COL11A1: variants seen among roughly 807,000 people sequenced by gnomAD.
COL11A1 encodes collagen type XI alpha 1 chain, also known as collagen alpha-1(XI) chain.
COL11A1 carries 74 observed loss-of-function variants against 265.2 expected under a neutral mutation model. The ratio of observed to expected loss-of-function variants is 0.28; its 90% CI spans 0.23 to 0.34. The LOEUF is 0.34. Among genes scored for constraint, COL11A1 ranks in the 10% least tolerant of loss-of-function variants. The pLI is 1.00. For synonymous variants in COL11A1, 816 were observed against 727.6 expected (o/e 1.12, Z -1.96); for missense variants, 2,165 against 2,263.6 (o/e 0.96, Z 0.88).
In COL11A1 at chr1:103,038,871, A is replaced by G. The variant is rs184617439; in HGVS notation, c.652-7627T>C. 2.0e-3 allele frequency among the ~76,000 whole-genome samples: 303 copies of G among 152,274 alleles called. 1 individual carries two copies. The highest frequency in any genetic ancestry group is 3.2e-3 in the Non-Finnish European group (219 of 68,024). On this transcript the variant is annotated intron_variant, in intron 4 of 66. Transcript: ENST00000370096. ...CAGTACATATATTAGTAAAAAATAT[A>G]TCTGTGAGATTTGGAAACTGACTGG...
intron 56 of COL11A1, 59 bp downstream of exon 56, chr1:102,898,607 A>T (rs993450790): frequency 1.7e-5 from 24 of 1,437,238 alleles, no homozygotes; most frequent in Non-Finnish European, 1.6e-5. Context: ...TTCATTCAAA[A>T]TTTTTTTAAA....
At chr1:102,983,620 G>A (rs1263326863) in intron 31 of COL11A1, among the ~76,000 whole-genome samples, 2 of 152,030 alleles carry the variant, frequency 1.3e-5, no homozygotes, top group East Asian at 3.9e-4. Flanking sequence ...ATGGCCCTAT[G>A]ACACCATGAT....
rs12133288 is a variant in COL11A1 at position 102,878,460 on chromosome 1, T to A, written c.5275-295A>T. Among the ~76,000 whole-genome samples the A allele has an allele frequency of 0.02, 1,631 of 81,224 alleles. 22 individuals are homozygous for A. The highest frequency in any genetic ancestry group is 0.036 in the Non-Finnish European group (1,312 of 36,308). The allele number at this position is 81,224 out of a possible 152,430, so 53.3% of individuals were successfully genotyped here. A position where few individuals can be genotyped will look rare whatever the true frequency, so the allele number is the denominator to read the frequency against. Reference sequence around the variant, plus strand: ...ATACAATTTAATATGAAAATTGATGTTGGTATTGAATCCTCATATATATAT... The same window carrying A: ...ATACAATTTAATATGAAAATTGATGATGGTATTGAATCCTCATATATATAT... On this transcript the variant is annotated intron_variant, in intron 66 of 66. Coordinates refer to ENST00000370096, the MANE Select transcript of COL11A1 (RefSeq NM_001854.4).
At chr1:103,049,354 T>C (rs959095169) in intron 4 of COL11A1, among the ~76,000 whole-genome samples, 1 of 152,214 alleles carries the variant, frequency 6.6e-6, no homozygotes, top group African/African-American at 2.4e-5. Flanking sequence ...CATTATGTAA[T>C]GGCCTTCTTT....
chr1:103,018,544 T>C (rs186739994), intron 10 of COL11A1, among the ~76,000 whole-genome samples: 1 of 152,290 alleles, frequency 6.6e-6, no homozygotes, highest in Non-Finnish European at 1.5e-5. Context: ...GGATGACTTT[T>C]CTTTACTTTC....
intron 35 of COL11A1, among the ~76,000 whole-genome samples, chr1:102,976,423 T>C (rs1294032895): frequency 2.0e-5 from 3 of 149,420 alleles, no homozygotes; most frequent in East Asian, 4.2e-4. Context: ...TTCAGCCTCC[T>C]GAGTAGCTGG....
At chr1:102,898,506 A>G (rs1228828025) in intron 56 of COL11A1, among the ~76,000 whole-genome samples, 160 bp downstream of exon 56, 4 of 152,126 alleles carry the variant, frequency 2.6e-5, no homozygotes, top group Admixed American at 2.0e-4. Context: ...ATACTTAAAT[A>G]TATGAAGAAT....
chr1:103,079,782 G>T (rs1418078794), intron 2 of COL11A1, among the ~76,000 whole-genome samples: 1 of 151,978 alleles, frequency 6.6e-6, no homozygotes, highest in Non-Finnish European at 1.5e-5. Context: ...CAAAACCATT[G>T]TGTATGTGCA....
At chr1:102,968,154 A>G (rs890995664) in intron 37 of COL11A1, among the ~76,000 whole-genome samples, 3 of 152,252 alleles carry the variant, frequency 2.0e-5, no homozygotes, top group African/African-American at 7.2e-5. Context: ...CAATATTGTC[A>G]TGTAATAAGA....
intron 18 of COL11A1, 125 bp from the exon 19 acceptor site, chr1:103,004,786 C>T (rs1295215898): frequency 1.2e-5 from 9 of 763,964 alleles, no homozygotes; most frequent in East Asian, 2.8e-5. Flanking sequence ...CTTTATTTAC[C>T]CTCCTCAAAA....
intron 1 of COL11A1, among the ~76,000 whole-genome samples, chr1:103,091,985 T>C (rs1673361584): frequency 6.6e-6 from 1 of 152,126 alleles, no homozygotes; most frequent in African/African-American, 2.4e-5. Flanking sequence ...AAATGTATTT[T>C]CTTACAATTC....
chr1:103,061,125 G>A (rs1197317911), intron 4 of COL11A1, among the ~76,000 whole-genome samples: 2 of 152,070 alleles, frequency 1.3e-5, no homozygotes, highest in Non-Finnish European at 2.9e-5. Context: ...TTCACACAGT[G>A]CAAACTTTGG....
chr1:103,046,822 A>G (rs1161303973), intron 4 of COL11A1, among the ~76,000 whole-genome samples: 1 of 151,416 alleles, frequency 6.6e-6, no homozygotes, highest in Non-Finnish European at 1.5e-5. Context: ...CTTTCTACAT[A>G]TGGCTAGCCA....
chr1:102,995,861 T>C lies in COL11A1; in HGVS notation c.2340+3A>G. The C allele has an allele frequency of 6.2e-7, 1 of 1,605,994 alleles. No individual in the cohort carries two copies. The highest frequency in any genetic ancestry group is 8.5e-7 in the Non-Finnish European group (1 of 1,174,444). ...TAATACCATCTAAACAATTAAATTT[T>C]ACCTTTTCACCTTTAGATCCCTTGA... On this transcript the variant is annotated splice_donor_region_variant and intron_variant, in intron 28 of 66. Transcript: ENST00000370096.
intron 46 of COL11A1, among the ~76,000 whole-genome samples, chr1:102,933,068 G>A (rs368469654): frequency 2.1e-5 from 3 of 145,964 alleles, no homozygotes; most frequent in South Asian, 2.3e-4. Flanking sequence ...TAATTTGATC[G>A]TCTGAAGCCT....
intron 26 of COL11A1, among the ~76,000 whole-genome samples, chr1:102,996,410 A>G (rs1473696501): frequency 6.6e-6 from 1 of 151,950 alleles, no homozygotes; most frequent in Non-Finnish European, 1.5e-5. Flanking sequence ...TTGAAAAACT[A>G]ACAAGATTGA....
intron 41 of COL11A1, among the ~76,000 whole-genome samples, chr1:102,951,632 C>T (rs544899625): frequency 5.9e-5 from 9 of 152,030 alleles, no homozygotes; most frequent in African/African-American, 1.9e-4. Context: ...CCCAGCTACT[C>T]GGGAGGCTGA....
intron 46 of COL11A1, among the ~76,000 whole-genome samples, chr1:102,925,572 C>T (rs1462069353): frequency 5.9e-5 from 9 of 151,998 alleles, no homozygotes; most frequent in Admixed American, 5.9e-4. Context: ...ACTTCCCAAA[C>T]TGTTACCATC....
At chr1:103,007,866 C>CGAA (rs1665764177) in intron 15 of COL11A1, among the ~76,000 whole-genome samples, 1 of 97,120 alleles carries the variant, frequency 1.0e-5, no homozygotes, top group Non-Finnish European at 1.9e-5. Flanking sequence ...GACTCTGTCT[C>CGAA]AAAAAAAAAA....
Sources: allele counts gnomAD v4.1 joint callset (sites outside exome capture counted in the v4.1 genomes callset), GRCh38; gene constraint gnomAD v4.1.1; transcripts MANE v1.5; gene names NCBI Gene and HGNC (gene_info 2026-07-23, HGNC 2026-07-21).